The following LRRK1 variants were observed in gnomAD, a reference collection of about 807,000 sequenced individuals.
The protein encoded by LRRK1 is leucine-rich repeat serine/threonine-protein kinase 1.
Under a neutral mutation model 209.1 loss-of-function variants are expected in LRRK1, and 113 were observed. The ratio of observed to expected loss-of-function variants is 0.54; its 90% CI spans 0.46 to 0.63. The LOEUF is 0.63. LRRK1 is among the 30% of genes least tolerant of loss of function. The pLI, the probability that LRRK1 is intolerant of heterozygous loss-of-function variation, is 0.00. For missense variants in LRRK1, 2,284 were observed against 2,632.2 expected, an observed-to-expected ratio of 0.87 and a Z score of 2.89; for synonymous variants, 1,144 against 1,099.7, an observed-to-expected ratio of 1.04 and a Z score of -0.80.
At chr15:101,032,116 C>T (rs527979720) in intron 20 of LRRK1, among the ~76,000 whole-genome samples, 1 of 152,304 alleles carries the variant, frequency 6.6e-6, no homozygotes, top group East Asian at 1.9e-4. Context: ...TGTGGCTTTA[C>T]TTTACATTTT....
chr15:100,966,226 C>G (rs772339198), intron 2 of LRRK1, among the ~76,000 whole-genome samples: 1 of 152,204 alleles, frequency 6.6e-6, no homozygotes, highest in Admixed American at 6.5e-5. Context: ...AGTATTATCT[C>G]TAGGAAAAGG....
chr15:100,981,485 G>A (rs1454257663), intron 3 of LRRK1, among the ~76,000 whole-genome samples: 3 of 152,082 alleles, frequency 2.0e-5, no homozygotes, highest in South Asian at 2.1e-4. Flanking sequence ...CCCTTAGACT[G>A]TTCCTCTCCT....
intron 2 of LRRK1, among the ~76,000 whole-genome samples, chr15:100,941,462 C>CTGTGTGTGTG (rs1293984855): frequency 4.9e-4 from 8 of 16,424 alleles, no homozygotes; most frequent in Admixed American, 1.5e-3. Context: ...GTGTCTATGT[C>CTGTGTGTGTG]TCTGTGTGTG....
intron 4 of LRRK1, 51 bp from the exon 5 acceptor site, chr15:100,988,583 A>T: frequency 6.3e-7 from 1 of 1,586,206 alleles, no homozygotes; most frequent in South Asian, 1.1e-5. Flanking sequence ...GAGTGGGAAC[A>T]AACAGCACCC....
At chr15:101,059,637 G>C (rs541998939) in intron 29 of LRRK1, among the ~76,000 whole-genome samples, 2 of 148,862 alleles carry the variant, frequency 1.3e-5, no homozygotes, top group African/African-American at 5.2e-5. Context: ...ATGTAAAGTC[G>C]GGTAAGTAAA....
At chr15:100,954,979 C>T (rs2042724990) in intron 2 of LRRK1, among the ~76,000 whole-genome samples, 1 of 151,666 alleles carries the variant, frequency 6.6e-6, no homozygotes, top group African/African-American at 2.4e-5. Context: ...ATTGCTTTGG[C>T]TAATTGGGGG....
At chr15:100,925,044 A>C (rs189978179) in intron 2 of LRRK1, among the ~76,000 whole-genome samples, 148 of 152,298 alleles carry the variant, frequency 9.7e-4, no homozygotes, top group African/African-American at 3.4e-3. Flanking sequence ...ATTAAGGAAA[A>C]ATTGAAAAAA....
At position 101,010,844 on chromosome 15, in the gene LRRK1, A is replaced by T; in HGVS notation, c.1281+7A>T. ...TCCCTGGGCCTGCCCTTTGGTGAGT[A>T]TCACACCAAAAGTCATGAAAGCCAC... On this transcript the variant is annotated splice_region_variant and intron_variant, in intron 9 of 33. Transcript: ENST00000388948. 1 of 1,607,874 alleles carries T rather than the reference A, an allele frequency of 6.2e-7. No individual in the cohort carries two copies. The highest frequency in any genetic ancestry group is 8.5e-7 in the Non-Finnish European group (1 of 1,178,076).
Position 100,977,343 on chromosome 15 carries a change from G to T in LRRK1, c.261+3376G>T, listed in dbSNP as rs193015007. ...TGCAGCCCAGCCCCACCCCTCACCA[G>T]CAAGGGCCAGGTGGAGAGCTTAGAT... On this transcript the variant is annotated intron_variant, in intron 3 of 33. Transcript: ENST00000388948. Among the ~76,000 whole-genome samples, 846 of 152,238 alleles carry T rather than the reference G, an allele frequency of 5.6e-3. 5 individuals carry two copies. The highest frequency in any genetic ancestry group is 0.011 in the South Asian group (52 of 4,816).
At chr15:100,963,186 C>T (rs1024331143) in intron 2 of LRRK1, among the ~76,000 whole-genome samples, 2 of 151,964 alleles carry the variant, frequency 1.3e-5, no homozygotes, top group Admixed American at 1.3e-4. Flanking sequence ...TTTGTCACGG[C>T]CTCTGTCCTA....
In LRRK1 at chr15:101,077,281, T is replaced by C. The variant is rs540622424; in HGVS notation, c.*8433T>C. 4.3e-4 allele frequency: 66 copies of C among 152,358 alleles called. No individual in the cohort carries two copies. The highest frequency in any genetic ancestry group is 1.5e-3 in the African/African-American group (63 of 41,582). 9.4% of individuals were successfully genotyped at this position (152,358 alleles called of 1,614,324 possible). A position where few individuals can be genotyped will look rare whatever the true frequency, so the allele number is the denominator to read the frequency against. ...TGTGCCCCAAAAAACTTGTCATCCC[T>C]ACTATCTTCTGTCTAGTCGTACTCC... On this transcript the variant is annotated 3_prime_UTR_variant, in exon 34 of 34. Coordinates refer to ENST00000388948, the MANE Select transcript of LRRK1 (RefSeq NM_024652.6).
At chr15:100,956,017 G>A (rs921718907) in intron 2 of LRRK1, among the ~76,000 whole-genome samples, 5 of 152,136 alleles carry the variant, frequency 3.3e-5, no homozygotes, top group African/African-American at 1.2e-4. Context: ...AAGTTCGAAA[G>A]TCTTTATTGT....
At chr15:100,974,204 G>A (rs1191857921) in intron 3 of LRRK1, 6 of 382,628 alleles carry the variant, frequency 1.6e-5, no homozygotes, top group Non-Finnish European at 2.3e-5. Context: ...GAGGGACGGG[G>A]GTGTGGTCAC....
chr15:100,924,015 T>G (rs929520274), intron 1 of LRRK1, among the ~76,000 whole-genome samples: 24 of 152,360 alleles, frequency 1.6e-4, no homozygotes, highest in African/African-American at 5.1e-4. Context: ...TTGGAACTGT[T>G]GCCTGACCAC....
At chr15:100,928,735 A>G (rs1400799956) in intron 2 of LRRK1, among the ~76,000 whole-genome samples, 1 of 151,966 alleles carries the variant, frequency 6.6e-6, no homozygotes, top group East Asian at 1.9e-4. Flanking sequence ...CACACCCCCT[A>G]CCTGTTGTGA....
intron 21 of LRRK1, among the ~76,000 whole-genome samples, chr15:101,046,539 C>T (rs1052739178): frequency 6.6e-6 from 1 of 152,212 alleles, no homozygotes; most frequent in African/African-American, 2.4e-5. Context: ...GCCGCCGGCC[C>T]AGCAACCACA....
At chr15:100,961,640 A>T (rs1249656832) in intron 2 of LRRK1, among the ~76,000 whole-genome samples, 4 of 95,816 alleles carry the variant, frequency 4.2e-5, no homozygotes, top group Non-Finnish European at 8.7e-5. Flanking sequence ...CAACAGAGTG[A>T]GACTCCGTCA....
At chr15:101,028,583 C>T (rs1240039801) in intron 19 of LRRK1, among the ~76,000 whole-genome samples, 2 of 152,246 alleles carry the variant, frequency 1.3e-5, no homozygotes, top group Admixed American at 6.5e-5. Flanking sequence ...CCGCTGGCAA[C>T]GTGCACATTG....
chr15:100,921,194 C>T (rs2042015112), intron 1 of LRRK1, among the ~76,000 whole-genome samples: 1 of 152,200 alleles, frequency 6.6e-6, no homozygotes. Flanking sequence ...CATAACTGTA[C>T]AGGGAGATAC....
Sources: gnomAD v4.1 joint callset for allele counts (sites outside exome capture counted in the v4.1 genomes callset) on GRCh38, gnomAD v4.1.1 for gene constraint, MANE v1.5 for transcripts, NCBI Gene and HGNC (gene_info 2026-07-23, HGNC 2026-07-21) for gene names.